The following CDH13 variants were observed in gnomAD, a reference collection of about 807,000 sequenced individuals.
The protein encoded by CDH13 is cadherin 13.
A neutral mutation model predicts 63.8 loss-of-function variants in CDH13; 24 were observed. The observed-to-expected ratio is 0.38, with a 90% CI of 0.27 to 0.53. CDH13 has a LOEUF of 0.53. Among genes scored for constraint, CDH13 ranks in the 20% least tolerant of loss-of-function variants. CDH13 has a pLI of 0.85. For synonymous variants in CDH13, 503 were observed against 355.3 expected, an observed-to-expected ratio of 1.42 and a Z score of -4.67; for missense variants, 1,049 against 903.1, an observed-to-expected ratio of 1.16 and a Z score of -2.07.
At chr16:82,660,436 C>CG (rs1567599219) in intron 1 of CDH13, among the ~76,000 whole-genome samples, 2 of 139,458 alleles carry the variant, frequency 1.4e-5, no homozygotes, top group African/African-American at 6.3e-5. Context: ...CTGTGCCTGC[C>CG]GGGGCGTGCG....
intron 8 of CDH13, among the ~76,000 whole-genome samples, chr16:83,665,621 C>T (rs923289454): frequency 1.3e-5 from 2 of 152,202 alleles, no homozygotes; most frequent in African/African-American, 4.8e-5. Flanking sequence ...CCCAGCTTTT[C>T]AAGTTCCATA....
intron 6 of CDH13, among the ~76,000 whole-genome samples, chr16:83,376,554 T>A (rs533364786): frequency 1.2e-4 from 19 of 152,154 alleles, no homozygotes; most frequent in African/African-American, 4.6e-4. Context: ...TAGAAAAAAA[T>A]TATTCTGGCT....
At chr16:83,440,439 C>G (rs1040255540) in intron 6 of CDH13, among the ~76,000 whole-genome samples, 3 of 152,104 alleles carry the variant, frequency 2.0e-5, no homozygotes, top group Non-Finnish European at 4.4e-5. Context: ...GGAACTGAAT[C>G]AGTCGTGGGG....
At chr16:82,814,026 G>C (rs991171200) in intron 1 of CDH13, among the ~76,000 whole-genome samples, 5 of 152,110 alleles carry the variant, frequency 3.3e-5, no homozygotes, top group Admixed American at 6.6e-5. Context: ...CTTGGCTGTG[G>C]AGTCTAACTG....
chr16:82,757,545 T>C (rs1221572201), intron 1 of CDH13, among the ~76,000 whole-genome samples: 2 of 152,216 alleles, frequency 1.3e-5, no homozygotes, highest in African/African-American at 4.8e-5. Flanking sequence ...CCTTAGCTTT[T>C]GGTTTAAAGC....
intron 6 of CDH13, among the ~76,000 whole-genome samples, chr16:83,402,832 T>G (rs1161785507): frequency 6.6e-6 from 1 of 152,144 alleles, no homozygotes. Context: ...AATGAGACTA[T>G]ATTTTCTTTT....
intron 7 of CDH13, among the ~76,000 whole-genome samples, chr16:83,575,718 C>CCA (rs890690680): frequency 2.6e-5 from 4 of 152,220 alleles, no homozygotes; most frequent in Non-Finnish European, 4.4e-5. Context: ...CTCTGAGAGA[C>CCA]GGTCAAGTCC....
At chr16:82,946,858 A>G (rs1056019791) in intron 2 of CDH13, among the ~76,000 whole-genome samples, 2 of 152,226 alleles carry the variant, frequency 1.3e-5, no homozygotes, top group Non-Finnish European at 2.9e-5. Flanking sequence ...ACATACAATC[A>G]CTAGAGTGAA....
chr16:83,665,466 A>G (rs1178726047), intron 8 of CDH13, among the ~76,000 whole-genome samples: 1 of 152,198 alleles, frequency 6.6e-6, no homozygotes, highest in Admixed American at 6.5e-5. Context: ...GAGCCTTCCA[A>G]TAAGCTGTAT....
rs1567831571 is a variant in CDH13, at chr16:83,102,913, T to TTTTTTTTCTTTTTC, written c.367-22465_367-22464insCTTTTTCTTTTTTT. Among the ~76,000 whole-genome samples, 116 of 61,068 alleles carry TTTTTTTTCTTTTTC rather than the reference T, an allele frequency of 1.9e-3. 1 individual carries two copies. Among genetic ancestry groups the TTTTTTTTCTTTTTC allele is most frequent in the Non-Finnish European group, 3.3e-3 (101 of 30,496 alleles). The allele number at this position is 61,068 out of a possible 152,430, so 40.1% of individuals were successfully genotyped here. ...AATTCCTTTGCTAATTAAACTTTCT[T>TTTTTTTTCTTTTTC]TTTTTTTTTTCTTTTTCTTTTTTTT... On this transcript the variant is annotated intron_variant, in intron 3 of 13. Transcript: ENST00000567109.
chr16:83,714,274 T>C (rs917446240), intron 10 of CDH13, among the ~76,000 whole-genome samples: 18 of 152,192 alleles, frequency 1.2e-4, no homozygotes, highest in African/African-American at 4.3e-4. Flanking sequence ...CCAAGTGCTA[T>C]TAATATCCCT....
At chr16:82,754,910 TC>T (rs1204309878) in intron 1 of CDH13, among the ~76,000 whole-genome samples, 2 of 152,228 alleles carry the variant, frequency 1.3e-5, no homozygotes, top group Non-Finnish European at 2.9e-5. Flanking sequence ...TTACTAGGTT[TC>T]TATAATTGAC....
chr16:82,918,320 C>G lies in CDH13; in HGVS notation c.157+59847C>G, dbSNP rs186819378. On this transcript the variant is annotated intron_variant, in intron 2 of 13. Transcript: ENST00000567109. ...GATGAATTATTTCTCACAGAAGACA[C>G]GGAGAAAATGGTGATTAGAATCTCT... Among the ~76,000 whole-genome samples, 347 of 152,196 alleles carry G rather than the reference C, an allele frequency of 2.3e-3. 1 individual carries two copies. Among genetic ancestry groups the G allele is most frequent in the African/African-American group, 8.0e-3 (331 of 41,540 alleles).
At chr16:82,730,374 A>G (rs1220071345) in intron 1 of CDH13, among the ~76,000 whole-genome samples, 6 of 152,150 alleles carry the variant, frequency 3.9e-5, no homozygotes, top group African/African-American at 1.4e-4. Flanking sequence ...AAATTTCATT[A>G]TTATGTGTCT....
chr16:83,301,469 G>A (rs777533023), intron 5 of CDH13, among the ~76,000 whole-genome samples: 5 of 152,094 alleles, frequency 3.3e-5, no homozygotes, highest in Non-Finnish European at 7.3e-5. Flanking sequence ...TCATTTCGGA[G>A]TTTTTCTCTC....
chr16:82,987,520 G>A (rs1166560804), intron 2 of CDH13, among the ~76,000 whole-genome samples: 1 of 152,068 alleles, frequency 6.6e-6, no homozygotes, highest in East Asian at 1.9e-4. Flanking sequence ...GGTATTACAG[G>A]CCCCTAAAAC....
chr16:82,721,851 G>A (rs566522274), intron 1 of CDH13, among the ~76,000 whole-genome samples: 26 of 152,156 alleles, frequency 1.7e-4, no homozygotes, highest in Non-Finnish European at 2.6e-4. Flanking sequence ...GTCATCAGGA[G>A]GCTGTAGGTG....
At chr16:83,402,257 T>C (rs1408966921) in intron 6 of CDH13, among the ~76,000 whole-genome samples, 2 of 152,198 alleles carry the variant, frequency 1.3e-5, no homozygotes, top group African/African-American at 4.8e-5. Flanking sequence ...GCGCCACCTA[T>C]TGACCATATA....
intron 3 of CDH13, among the ~76,000 whole-genome samples, chr16:83,078,185 C>T (rs72796254): frequency 0.053 from 8,012 of 152,146 alleles, 240 homozygotes; most frequent in South Asian, 0.11. Context: ...GTTGGGGCTT[C>T]CTGTCACTGA....
Sources: allele counts gnomAD v4.1 joint callset (sites outside exome capture counted in the v4.1 genomes callset), GRCh38; gene constraint gnomAD v4.1.1; transcripts MANE v1.5; gene names NCBI Gene and HGNC (gene_info 2026-07-23, HGNC 2026-07-21).